Variants in VILL observed in about 807,000 individuals in gnomAD.
VILL encodes villin like.
VILL carries 102 observed loss-of-function variants against 106.3 expected under a neutral mutation model. The observed-to-expected ratio is 0.96, with a 90% CI of 0.82 to 1.13. VILL has a LOEUF of 1.13. Among genes scored for constraint, VILL ranks in the 50% most tolerant of loss-of-function variants. VILL has a pLI of 0.00. For synonymous variants in VILL, 431 were observed against 440.3 expected, an observed-to-expected ratio of 0.98 and a Z score of 0.27; for missense variants, 1,076 against 1,116.6, an observed-to-expected ratio of 0.96 and a Z score of 0.52.
Position 37,993,672 on chromosome 3 carries a change from G to T in VILL, c.-1G>T, listed in dbSNP as rs967097932. The T allele has an allele frequency of 2.5e-6, 4 of 1,613,820 alleles. No homozygotes were observed. The African/African-American group carries it at 4.0e-5, about 16-fold the overall frequency. On this transcript the variant is annotated 5_prime_UTR_variant, in exon 2 of 20. Coordinates refer to ENST00000383759, the MANE Select transcript of VILL (RefSeq NM_015873.4). Reference sequence around the variant, plus strand: ...CGTCCCATATTCCTGCCTGGCCTGCGATGGACATCAGCAAGGGCCTCCCAG... The same window carrying T: ...CGTCCCATATTCCTGCCTGGCCTGCTATGGACATCAGCAAGGGCCTCCCAG...
Position 37,999,364 on chromosome 3 carries a change from C to T in VILL, c.1107C>T (p.Asp369=). 4.0e-6 allele frequency: 6 copies of T among 1,512,200 alleles called. No homozygotes were observed. Among genetic ancestry groups the T allele is most frequent in the South Asian group, 1.3e-5 (1 of 76,642 alleles). The allele number at this position is 1,512,200 out of a possible 1,614,324, so 93.7% of individuals were successfully genotyped here. The change falls in exon 11 of 20, where the codon GAC becomes GAT. Residue 369 remains aspartate, a synonymous_variant. Coordinates refer to ENST00000383759, the MANE Select transcript of VILL (RefSeq NM_015873.4). The stretch of plus-strand genomic sequence containing the variant: ...ATAAATCGATTCATGTAAAGCTGGA[C>T]GTGGGCAAGCTGCACACCCAGCCTA... ...GRDKSIHVKL[D]VGKLHTQPKL...
Position 37,997,124 on chromosome 3 carries a change from G to A in VILL, c.498G>A (p.Leu166=). 1 of 1,614,132 alleles carries A rather than the reference G, an allele frequency of 6.2e-7. No homozygotes were observed. Among genetic ancestry groups the A allele is most frequent in the Non-Finnish European group, 8.5e-7 (1 of 1,180,014 alleles). ...NSFNKGDIFL[L]DLGKMMIQWN... is the part of the protein sequence containing the mutation. ...TTAATAAGGGTGACATCTTCCTGCT[G>A]GACCTAGGCAAGATGATGATTCAGT... Residue 166 remains leucine, a synonymous_variant, in exon 6 of 20, where the codon CTG becomes CTA. Transcript: ENST00000383759. The surrounding 1 kb of genome is among the most constrained non-coding windows in gnomAD (Gnocchi z 4.7).
rs763085266 is a variant in VILL at position 37,999,079 on chromosome 3, G to A, written c.1081+29G>A. On this transcript the variant is annotated intron_variant, in intron 10 of 19. Transcript: ENST00000383759. Reference sequence around the variant, plus strand: ...AGCGGGCGGGGCGGGGCTGACGGGGGCGGGGCGGGACTGGCGGGGGCGGGG... The same window carrying A: ...AGCGGGCGGGGCGGGGCTGACGGGGACGGGGCGGGACTGGCGGGGGCGGGG... The A allele has an allele frequency of 5.2e-5, 67 of 1,281,966 alleles. 1 individual carries two copies. The Middle Eastern group carries it at 1.7e-3, about 32-fold the overall frequency. 79.4% of individuals were successfully genotyped at this position (1,281,966 alleles called of 1,614,324 possible).
chr3:38,001,646 C>G lies in VILL; in HGVS notation c.1320+53C>G. On this transcript the variant is annotated intron_variant, in intron 12 of 19. Transcript: ENST00000383759. ...CACCTTAAAGCCCAAGGGCTGGGCT[C>G]TGGGAGTGAAATGTGAGAGCTGGGC... is the stretch of plus-strand genomic sequence containing the variant. The G allele has an allele frequency of 6.2e-6, 10 of 1,613,398 alleles. No homozygotes were observed. In the South Asian group the frequency reaches 9.9e-5, roughly 16 times the overall value.
rs373827146 is a variant in VILL at position 37,994,346 on chromosome 3, G to A, written c.221G>A (p.Gly74Asp). ...VGKQAGAEAQGAAEAFQQRLQ... is the reference protein window; with the variant it reads ...VGKQAGAEAQDAAEAFQQRLQ... ...AAGCAGGCGGGTGCGGAAGCGCAGG[G>A]CGCTGCGGAGGCCTTCCAGCAGCGC... is the stretch of plus-strand genomic sequence containing the variant. Residue 74 changes from glycine to aspartate, a missense_variant, in exon 4 of 20, where the codon GGC (glycine) becomes GAC (aspartate). Physicochemically the swap from Gly to Asp is moderately conservative, Grantham distance 94 (BLOSUM62 -1). Coordinates refer to ENST00000383759, the MANE Select transcript of VILL (RefSeq NM_015873.4). The A allele has an allele frequency of 1.6e-4, 251 of 1,611,402 alleles. No individual in the cohort carries two copies. The highest frequency in any genetic ancestry group is 2.1e-4 in the Non-Finnish European group (246 of 1,179,650).
chr3:37,998,871 G>T lies in VILL; in HGVS notation c.943-41G>T. On this transcript the variant is annotated intron_variant, in intron 9 of 19. Coordinates refer to ENST00000383759, the MANE Select transcript of VILL (RefSeq NM_015873.4). This position sits in a 1 kb window ranked among gnomAD's most constrained non-coding sequence, Gnocchi z 4.1. ...CCCCAGGAGCGGCAGTGGGGCAGTG[G>T]ACTCTCAGGGTCGCAGGACTGACGA... 4 of 1,568,848 alleles carry T rather than the reference G, an allele frequency of 2.5e-6. No homozygotes were observed. The highest frequency in any genetic ancestry group is 3.5e-6 in the Non-Finnish European group (4 of 1,149,748).
In VILL at chr3:37,998,241, T is replaced by C; in HGVS notation, c.844-25T>C. ...CCCCAGCCCAGTCTGGACCACCTACTGACCAGCCCCACCCTTGCTCCCAGG... is the reference window on the plus strand; with the variant it reads ...CCCCAGCCCAGTCTGGACCACCTACCGACCAGCCCCACCCTTGCTCCCAGG... On this transcript the variant is annotated intron_variant, in intron 8 of 19. Coordinates refer to ENST00000383759, the MANE Select transcript of VILL (RefSeq NM_015873.4). This position sits in a 1 kb window ranked among gnomAD's most constrained non-coding sequence, Gnocchi z 4.1. 2 of 1,614,014 alleles carry C rather than the reference T, an allele frequency of 1.2e-6. No individual in the cohort carries two copies. The highest frequency in any genetic ancestry group is 4.5e-5 in the East Asian group (2 of 44,884).
At chr3:37,996,935 A>C in intron 5 of VILL, 142 bp from the exon 6 acceptor site, 9 of 667,352 alleles carry the variant, frequency 1.3e-5, no homozygotes, top group East Asian at 2.7e-5. Context: ...ACCCTGTGGA[A>C]TGCAGCATTA....
intron 17 of VILL, 65 bp from the exon 18 acceptor site, chr3:38,006,116 A>C (rs9311176): frequency 0.23 from 369,533 of 1,609,890 alleles, 45,559 homozygotes; most frequent in African/African-American, 0.44. Flanking sequence ...CAGGCCCCTC[A>C]TGTGTCCCAT....
intron 14 of VILL, 108 bp downstream of exon 14, chr3:38,002,683 C>A: frequency 7.8e-7 from 1 of 1,281,942 alleles, no homozygotes; most frequent in Non-Finnish European, 1.1e-6. Context: ...CTCAGATAGG[C>A]CGATGGGGGG....
Position 38,007,054 on chromosome 3 carries a change from G to A in VILL, c.2570G>A (p.Ter857=), listed in dbSNP as rs764104711. The A allele has an allele frequency of 6.2e-7, 1 of 1,613,618 alleles. No homozygotes were observed. ...RQEKKQLGFF[*] ...GAGAAAAAGCAGCTGGGCTTCTTCTGAACCCAAGCCCTCTCGACTGCCCCT... is the reference window on the plus strand; with the variant it reads ...GAGAAAAAGCAGCTGGGCTTCTTCTAAACCCAAGCCCTCTCGACTGCCCCT... Residue 857 remains the stop codon, a stop_retained_variant, in exon 20 of 20, where the codon TGA becomes TAA. Coordinates refer to ENST00000383759, the MANE Select transcript of VILL (RefSeq NM_015873.4).
Position 37,997,955 on chromosome 3 carries a change from G to A in VILL, c.765-135G>A. 1 of 905,340 alleles carries A rather than the reference G, an allele frequency of 1.1e-6. No individual in the cohort carries two copies. Among genetic ancestry groups the A allele is most frequent in the East Asian group, 2.6e-5 (1 of 37,746 alleles). 56.1% of individuals were successfully genotyped at this position (905,340 alleles called of 1,614,324 possible). On this transcript the variant is annotated intron_variant, in intron 7 of 19. Coordinates refer to ENST00000383759, the MANE Select transcript of VILL (RefSeq NM_015873.4). The surrounding 1 kb of genome is among the most constrained non-coding windows in gnomAD (Gnocchi z 4.7). ...TCCACAGCAAGGCTGCAGTAAAAGT[G>A]AAGACTACAACTCGGGGCCCCAGCC...
chr3:37,999,003 G>A lies in VILL; in HGVS notation c.1034G>A (p.Arg345Gln), dbSNP rs1045816212. ...TCGGCCGCGTTCAAGCAGCTCTTCC[G>A]GACTTGGTCTGAGAAGCGGCGCAGG... ...AESAAFKQLF[R>Q]TWSEKRRRNQ... is the part of the protein sequence containing the mutation. Residue 345 changes from arginine (R) to glutamine (Q), a missense_variant, in exon 10 of 20, where the codon CGG becomes CAG. Coordinates refer to ENST00000383759, the MANE Select transcript of VILL (RefSeq NM_015873.4). The A allele has an allele frequency of 1.9e-6, 3 of 1,607,996 alleles. No individual in the cohort carries two copies. The highest frequency in any genetic ancestry group is 1.3e-5 in the African/African-American group (1 of 74,292).
intron 15 of VILL, chr3:38,003,738 A>G: frequency 4.8e-6 from 1 of 210,508 alleles, no homozygotes. Context: ...GTAAGTGGAC[A>G]GGGTGTGTGT....
Position 37,994,369 on chromosome 3 carries a change from C to T in VILL, c.244C>T (p.Arg82Cys), listed in dbSNP as rs149405957. The stretch of plus-strand genomic sequence containing the variant: ...GGGCGCTGCGGAGGCCTTCCAGCAG[C>T]GCCTACAGGACGAGCTGGGGGGCCA... ...AQGAAEAFQQRLQDELGGQTV... is the reference protein window; with the variant it reads ...AQGAAEAFQQCLQDELGGQTV... Residue 82 changes from arginine (R) to cysteine (C), a missense_variant, in exon 4 of 20, where the codon CGC (arginine) becomes TGC (cysteine). Coordinates refer to ENST00000383759, the MANE Select transcript of VILL (RefSeq NM_015873.4). The T allele has an allele frequency of 1.2e-5, 20 of 1,611,914 alleles. No homozygotes were observed. Among genetic ancestry groups the T allele is most frequent in the South Asian group, 4.4e-5 (4 of 91,056 alleles).
chr3:38,003,083 C>T (rs1202684673), intron 14 of VILL, 85 bp from the exon 15 acceptor site: 2 of 1,519,532 alleles, frequency 1.3e-6, no homozygotes, highest in African/African-American at 2.7e-5. Context: ...CCCAGCCCCA[C>T]CCCATACACC....
intron 11 of VILL, 172 bp from the exon 12 acceptor site, chr3:38,001,284 G>T: frequency 1.0e-6 from 1 of 1,001,854 alleles, no homozygotes. Flanking sequence ...GCAGATCCTT[G>T]TACAAAGCCC....
At position 38,001,495 on chromosome 3, in the gene VILL, C is replaced by A; in HGVS notation, c.1222C>A (p.Pro408Thr). The A allele has an allele frequency of 6.2e-7, 1 of 1,614,208 alleles. No individual in the cohort carries two copies. Among genetic ancestry groups the A allele is most frequent in the South Asian group, 1.1e-5 (1 of 91,090 alleles). ...GGACTTACACAGGCAGCCCGTGGAC[C>A]CCAAGCGTCATGGACAGCTGTGTGC... is the stretch of plus-strand genomic sequence containing the variant. ...IQDLHRQPVD[P>T]KRHGQLCAGN... The change falls in exon 12 of 20, where the codon CCC (proline) becomes ACC (threonine). Residue 408 changes from proline to threonine, a missense_variant. Transcript: ENST00000383759.
chr3:37,988,136 T>C (rs1440043665), upstream of VILL: 1 of 152,220 alleles, frequency 6.6e-6, no homozygotes, highest in East Asian at 1.9e-4. Flanking sequence ...TACGGGAATA[T>C]AGAGAGTGGG....
Sources: gnomAD v4.1 joint callset for allele counts on GRCh38, gnomAD v4.1.1 for gene constraint, Gnocchi (gnomAD v3.1) non-coding constraint, MANE v1.5 for transcripts, NCBI Gene and HGNC (gene_info 2026-07-23, HGNC 2026-07-21) for gene names.